ATP9A: variants seen among roughly 807,000 people sequenced by gnomAD.
ATP9A encodes the protein probable phospholipid-transporting ATPase IIA.
ATP9A carries 52 observed loss-of-function variants against 144.1 expected under a neutral mutation model. The observed-to-expected ratio is 0.36, with a 90% CI of 0.29 to 0.45. ATP9A has a LOEUF of 0.45. ATP9A is among the 20% of genes least tolerant of loss of function. The pLI is 1.00. For missense variants in ATP9A, 947 were observed against 1,392.7 expected, an observed-to-expected ratio of 0.68 and a Z score of 5.09; for synonymous variants, 582 against 557.4, an observed-to-expected ratio of 1.04 and a Z score of -0.62.
At position 51,608,700 on chromosome 20, in the gene ATP9A, C is replaced by G. The variant is rs955095655; in HGVS notation, c.2637-74G>C. Reference sequence around the variant, plus strand: ...CTATGTGCTGTGCCAGCCTCCGGCACCCAAGTCCCAACCATGCCTCTAACA... The same window carrying G: ...CTATGTGCTGTGCCAGCCTCCGGCAGCCAAGTCCCAACCATGCCTCTAACA... On this transcript the variant is annotated intron_variant, in intron 24 of 27. Coordinates refer to ENST00000338821, the MANE Select transcript of ATP9A (RefSeq NM_006045.3). 2.4e-5 allele frequency: 22 copies of G among 898,850 alleles called. No individual in the cohort carries two copies. In the South Asian group the frequency reaches 2.8e-4, roughly 12 times the overall value. The allele number at this position is 898,850 out of a possible 1,614,324, so 55.7% of individuals were successfully genotyped here. A position where few individuals can be genotyped will look rare whatever the true frequency, so the allele number is the denominator to read the frequency against.
At chr20:51,727,189 C>T (rs772248751) in intron 2 of ATP9A, among the ~76,000 whole-genome samples, 22 of 151,496 alleles carry the variant, frequency 1.5e-4, no homozygotes, top group Non-Finnish European at 2.8e-4. Context: ...GCAAGAGAAT[C>T]GCTTGAACAC....
chr20:51,764,021 C>T (rs780829256), intron 1 of ATP9A, among the ~76,000 whole-genome samples: 3 of 152,194 alleles, frequency 2.0e-5, no homozygotes, highest in Non-Finnish European at 2.9e-5. Context: ...TAGACCCCAA[C>T]GGTAAACCTC....
At chr20:51,732,058 C>T (rs2077744157) in intron 1 of ATP9A, among the ~76,000 whole-genome samples, 1 of 152,032 alleles carries the variant, frequency 6.6e-6, no homozygotes, top group African/African-American at 2.4e-5. Context: ...CGTGGTTTTC[C>T]CAAGAGGACA....
intron 9 of ATP9A, among the ~76,000 whole-genome samples, 194 bp from the exon 10 acceptor site, chr20:51,676,402 T>C (rs1212729348): frequency 1.3e-5 from 2 of 151,648 alleles, no homozygotes; most frequent in Non-Finnish European, 2.9e-5. Context: ...CTTCCCACCA[T>C]GTTCAAGCGA....
chr20:51,604,448 C>T (rs1052809222), intron 27 of ATP9A, among the ~76,000 whole-genome samples: 40 of 152,186 alleles, frequency 2.6e-4, no homozygotes, highest in African/African-American at 9.2e-4. Flanking sequence ...CCCAGCACTG[C>T]CACTTTGCTA....
Position 51,635,773 on chromosome 20 carries a change from G to C in ATP9A, c.1668+3570C>G, listed in dbSNP as rs114224544. Among the ~76,000 whole-genome samples, 969 of 145,482 alleles carry C rather than the reference G, an allele frequency of 6.7e-3. 10 individuals carry two copies. Among genetic ancestry groups the C allele is most frequent in the African/African-American group, 0.024 (926 of 38,984 alleles). ...AGGAAAAAGAGAAGAGAAAAGAAAA[G>C]AGAAAAGGAAGGAAACAGAGGAGGG... On this transcript the variant is annotated intron_variant, in intron 15 of 27. Coordinates refer to ENST00000338821, the MANE Select transcript of ATP9A (RefSeq NM_006045.3).
intron 18 of ATP9A, among the ~76,000 whole-genome samples, chr20:51,622,844 T>G (rs2122725899): frequency 6.6e-6 from 1 of 152,286 alleles, no homozygotes; most frequent in Non-Finnish European, 1.5e-5. Context: ...TTGTTCTCTT[T>G]GCTCCCAGCT....
At chr20:51,724,724 AACC>A (rs1476662464) in intron 3 of ATP9A, among the ~76,000 whole-genome samples, 3 of 152,212 alleles carry the variant, frequency 2.0e-5, no homozygotes, top group Non-Finnish European at 4.4e-5. Context: ...GCAGGTGCTC[AACC>A]ACCATCTGCC....
At chr20:51,714,433 G>C (rs1322989476) in intron 3 of ATP9A, among the ~76,000 whole-genome samples, 5 of 152,084 alleles carry the variant, frequency 3.3e-5, no homozygotes, top group Admixed American at 3.3e-4. Flanking sequence ...CCAGGATGGA[G>C]TGCAGTGGCA....
chr20:51,687,474 GC>G (rs2077528122), intron 9 of ATP9A, among the ~76,000 whole-genome samples: 1 of 152,160 alleles, frequency 6.6e-6, no homozygotes, highest in East Asian at 1.9e-4. Context: ...GTACTAGAGA[GC>G]AACAAAGAAG....
chr20:51,712,333 C>CA (rs1248948617), intron 4 of ATP9A, among the ~76,000 whole-genome samples: 2 of 152,136 alleles, frequency 1.3e-5, no homozygotes, highest in African/African-American at 4.8e-5. Flanking sequence ...CTCGGCCTCC[C>CA]AAAGTGCTGG....
rs114544152 is a variant in ATP9A at position 51,616,272 on chromosome 20, T to C, written c.2415+1218A>G. ...ATGCAACAGGATGGACAGGGGAGCA[T>C]CTCTGCTGCCCCCTCCGGGCCTTGG... On this transcript the variant is annotated intron_variant, in intron 22 of 27. Coordinates refer to ENST00000338821, the MANE Select transcript of ATP9A (RefSeq NM_006045.3). Among the ~76,000 whole-genome samples the C allele has an allele frequency of 2.6e-3, 389 of 152,216 alleles. 1 individual carries two copies. Among genetic ancestry groups the C allele is most frequent in the African/African-American group, 8.7e-3 (363 of 41,540 alleles).
chr20:51,658,888 C>CGGTGGGGGGGGG (rs746874247), intron 13 of ATP9A, among the ~76,000 whole-genome samples: 2 of 54,842 alleles, frequency 3.6e-5, no homozygotes, highest in South Asian at 6.9e-4. Context: ...AGACCACTGG[C>CGGTGGGGGGGGG]GGGGGGGGGG....
chr20:51,693,224 G>A (rs893539864), intron 7 of ATP9A, among the ~76,000 whole-genome samples: 3 of 152,216 alleles, frequency 2.0e-5, no homozygotes, highest in Non-Finnish European at 4.4e-5. Flanking sequence ...GGGAGAGGTG[G>A]GCAGAAAGAG....
chr20:51,729,997 C>G lies in ATP9A; in HGVS notation c.69-19G>C. ...GCAGCACCTGTGGGAAAGAAACCCA[C>G]GCATCAAGGCCACGCCCACGCATCG... On this transcript the variant is annotated intron_variant, in intron 1 of 27. Transcript: ENST00000338821. 6.6e-7 allele frequency: 1 copy of G among 1,511,016 alleles called. No homozygotes were observed. Among genetic ancestry groups the G allele is most frequent in the Non-Finnish European group, 8.8e-7 (1 of 1,133,328 alleles). 93.6% of individuals were successfully genotyped at this position (1,511,016 alleles called of 1,614,324 possible). A position where few individuals can be genotyped will look rare whatever the true frequency, so the allele number is the denominator to read the frequency against.
rs1345733270 is a variant in ATP9A, at chr20:51,635,978, A to T, written c.1668+3365T>A. On this transcript the variant is annotated intron_variant, in intron 15 of 27. Transcript: ENST00000338821. ...GCATTTCCCTGTAAGAAAGACACCA[A>T]TGGATGTCTAAGACCATGAATAATA... is the stretch of plus-strand genomic sequence containing the variant. Among the ~76,000 whole-genome samples, 4 of 152,116 alleles carry T rather than the reference A, an allele frequency of 2.6e-5. No homozygotes were observed. In the East Asian group the frequency reaches 7.7e-4, roughly 29 times the overall value.
At chr20:51,605,782 G>A (rs1386255935) in intron 26 of ATP9A, among the ~76,000 whole-genome samples, 2 of 150,180 alleles carry the variant, frequency 1.3e-5, no homozygotes, top group African/African-American at 4.9e-5. Context: ...ACGTGGAAGC[G>A]CATGCCTGTA....
intron 4 of ATP9A, among the ~76,000 whole-genome samples, chr20:51,701,587 G>A (rs938874664): frequency 1.3e-5 from 2 of 152,122 alleles, no homozygotes; most frequent in Non-Finnish European, 1.5e-5. Context: ...AACCCCAGCA[G>A]GCCAATCCTT....
intron 14 of ATP9A, among the ~76,000 whole-genome samples, chr20:51,650,160 G>C (rs555782522): frequency 2.0e-5 from 3 of 152,152 alleles, no homozygotes; most frequent in Non-Finnish European, 4.4e-5. Flanking sequence ...CCATGTCCTG[G>C]CACATTTGTA....
Sources: allele counts gnomAD v4.1 joint callset (sites outside exome capture counted in the v4.1 genomes callset), GRCh38; gene constraint gnomAD v4.1.1; transcripts MANE v1.5; gene names NCBI Gene and HGNC (gene_info 2026-07-23, HGNC 2026-07-21).